GPHN: variants seen among roughly 807,000 people sequenced by gnomAD.
GPHN encodes the protein gephyrin.
In GPHN, 17 loss-of-function variants were observed where a neutral mutation model predicts 95.5. The observed-to-expected ratio is 0.18, with a 90% CI of 0.12 to 0.27. GPHN has a LOEUF of 0.27. GPHN is among the 10% of genes least tolerant of loss of function. GPHN has a pLI of 1.00. For synonymous variants in GPHN, 320 were observed against 322.5 expected, an observed-to-expected ratio of 0.99 and a Z score of 0.08; for missense variants, 660 against 978.1, an observed-to-expected ratio of 0.67 and a Z score of 4.34.
chr14:67,234,652 C>T, the GPHN span, among the ~76,000 whole-genome samples: 2 of 152,024 alleles, frequency 1.3e-5, no homozygotes, highest in Admixed American at 6.5e-5. Flanking sequence ...TGGGTTCAAG[C>T]GATTCTCCTG....
chr14:67,600,152 G>C, the GPHN span: 1 of 1,591,302 alleles, frequency 6.3e-7, no homozygotes, highest in Non-Finnish European at 8.5e-7. Context: ...TAGCGGCGCT[G>C]CAGCGCCAGG....
At chr14:66,692,905 C>T (rs545620250) in intron 2 of GPHN, among the ~76,000 whole-genome samples, 3 of 152,092 alleles carry the variant, frequency 2.0e-5, no homozygotes, top group African/African-American at 7.2e-5. Context: ...GGTAGTAATT[C>T]TCTAACCTTA....
the GPHN span, among the ~76,000 whole-genome samples, chr14:67,445,918 A>G: frequency 1.3e-3 from 202 of 152,260 alleles, no homozygotes; most frequent in African/African-American, 4.7e-3. Flanking sequence ...CAGCTCATGT[A>G]CTTCACAGTT....
intron 2 of GPHN, among the ~76,000 whole-genome samples, chr14:66,733,536 ATTTC>A (rs1595726349): frequency 1.3e-5 from 2 of 152,174 alleles, no homozygotes; most frequent in East Asian, 1.9e-4. Context: ...TTAAGCTTCT[ATTTC>A]TTATGCTAGT....
chr14:67,349,132 A>G, the GPHN span: 1 of 1,605,270 alleles, frequency 6.2e-7, no homozygotes, highest in Non-Finnish European at 8.5e-7. Flanking sequence ...GACTTTATTT[A>G]GCAGACTCTT....
At chr14:67,118,718 C>T (rs532269256) in intron 16 of GPHN, among the ~76,000 whole-genome samples, 2 of 150,960 alleles carry the variant, frequency 1.3e-5, no homozygotes, top group Admixed American at 6.6e-5. Flanking sequence ...GGCGACAGAG[C>T]GAGACTCCGT....
At chr14:66,837,157 C>A (rs924839015) in intron 4 of GPHN, among the ~76,000 whole-genome samples, 4 of 151,342 alleles carry the variant, frequency 2.6e-5, no homozygotes, top group African/African-American at 9.8e-5. Context: ...ATGTTTATTA[C>A]GGCATTATTC....
At chr14:67,437,107 A>G in the GPHN span, among the ~76,000 whole-genome samples, 2 of 152,184 alleles carry the variant, frequency 1.3e-5, 1 homozygote, top group South Asian at 4.1e-4. Flanking sequence ...GATGGCTGGC[A>G]TCCTGTTGTG....
rs1165279229 is a variant in GPHN at position 67,084,807 on chromosome 14, G to A, written c.1145-4176G>A. Among the ~76,000 whole-genome samples the A allele has an allele frequency of 2.6e-5, 4 of 152,192 alleles. No individual in the cohort carries two copies. In the East Asian group the frequency reaches 7.7e-4, roughly 29 times the overall value. ...TGATACTTACTAGGAGGAGAAAAAG[G>A]AAAGAAAAAAGGCCTTCCTGTCCAA... On this transcript the variant is annotated intron_variant, in intron 11 of 22. Transcript: ENST00000478722.
intron 1 of GPHN, among the ~76,000 whole-genome samples, chr14:66,552,858 T>A (rs937765487): frequency 6.6e-6 from 1 of 152,182 alleles, no homozygotes; most frequent in African/African-American, 2.4e-5. Context: ...GCTTTCAAGA[T>A]TTTTTCTTAC....
chr14:66,681,857 AT>A lies in GPHN; in HGVS notation c.143+673del, dbSNP rs200272070. On this transcript the variant is annotated intron_variant, in intron 2 of 22. Transcript: ENST00000478722. ...TAAGATCACTGTTTATTAAAAAAAA[AT>A]AATTAAAACTAGTTAAGCCTGCGAA... Among the ~76,000 whole-genome samples the A allele has an allele frequency of 2.3e-3, 352 of 152,312 alleles. 1 individual carries two copies. The East Asian group carries it at 0.03, about 13-fold the overall frequency.
Position 67,037,177 on chromosome 14 carries a change from AT to A in GPHN, c.1006+13503del, listed in dbSNP as rs554208433. ...TTGAAGATGGTGCCAAGACCATTCA[AT>A]GGGGAAAGGGCAGTCTCTTCAATAA... On this transcript the variant is annotated intron_variant, in intron 10 of 22. Transcript: ENST00000478722. 3.0e-3 allele frequency among the ~76,000 whole-genome samples: 453 copies of A among 152,188 alleles called. 3 individuals are homozygous for A. The highest frequency in any genetic ancestry group is 0.01 in the African/African-American group (435 of 41,588).
chr14:66,617,407 C>A (rs10129241), intron 1 of GPHN, among the ~76,000 whole-genome samples: 46,974 of 151,814 alleles, frequency 0.31, 11,053 homozygotes, highest in African/African-American at 0.63. Flanking sequence ...ACCACGGTTT[C>A]CCCAGCTGGG....
the GPHN span, among the ~76,000 whole-genome samples, chr14:67,686,802 A>G: frequency 3.9e-5 from 6 of 152,172 alleles, no homozygotes; most frequent in Admixed American, 1.3e-4. Flanking sequence ...GTATACATAC[A>G]CTGCCTATTA....
chr14:66,585,329 CA>C (rs1213450544), intron 1 of GPHN, among the ~76,000 whole-genome samples: 3 of 151,998 alleles, frequency 2.0e-5, no homozygotes, highest in African/African-American at 7.2e-5. Context: ...TTGATCTTTT[CA>C]AAAAACCAGC....
chr14:67,562,867 A>G, the GPHN span: 2 of 1,612,692 alleles, frequency 1.2e-6, no homozygotes, highest in South Asian at 2.2e-5. Context: ...AGCCACCTAC[A>G]CCCCCGCTGC....
chr14:66,736,531 T>C (rs193114654), intron 2 of GPHN, among the ~76,000 whole-genome samples: 1 of 151,984 alleles, frequency 6.6e-6, no homozygotes, highest in Non-Finnish European at 1.5e-5. Context: ...CCTGAGTAGC[T>C]GGGATTACAG....
the GPHN span, chr14:67,200,113 C>G: frequency 9.6e-7 from 1 of 1,041,300 alleles, no homozygotes; most frequent in Non-Finnish European, 1.4e-6. Context: ...AATGGGCATG[C>G]CCCCCCGAAG....
At chr14:66,804,912 A>G (rs1040256259) in intron 3 of GPHN, among the ~76,000 whole-genome samples, 1 of 152,234 alleles carries the variant, frequency 6.6e-6, no homozygotes, top group Non-Finnish European at 1.5e-5. Flanking sequence ...AGGATTAAAT[A>G]AAAAAGATAC....
Sources: gnomAD v4.1 joint callset for allele counts (sites outside exome capture counted in the v4.1 genomes callset) on GRCh38, gnomAD v4.1.1 for gene constraint, MANE v1.5 for transcripts, NCBI Gene and HGNC (gene_info 2026-07-23, HGNC 2026-07-21) for gene names.